DNAH7: variants seen among roughly 807,000 people sequenced by gnomAD.
DNAH7 encodes dynein axonemal heavy chain 7.
In DNAH7, 397 loss-of-function variants were observed where a neutral mutation model predicts 444.6. That is an observed-to-expected ratio of 0.89 (90% CI 0.82 to 0.97). The LOEUF (loss-of-function observed/expected upper bound fraction) is 0.97. Among genes scored for constraint, DNAH7 ranks in the 50% least tolerant of loss-of-function variants. DNAH7 has a pLI of 0.00. For synonymous variants in DNAH7, 1,636 were observed against 1,624.4 expected, an observed-to-expected ratio of 1.01 and a Z score of -0.17; for missense variants, 4,902 against 4,800.8, an observed-to-expected ratio of 1.02 and a Z score of -0.62.
intron 33 of DNAH7, 64 bp downstream of exon 33, chr2:195,888,194 G>T: frequency 1.5e-6 from 2 of 1,306,624 alleles, no homozygotes; most frequent in Non-Finnish European, 2.1e-6. Flanking sequence ...CATTAAAATT[G>T]ATATGTAAGT....
At chr2:195,978,430 A>G (rs1692344382) in intron 15 of DNAH7, among the ~76,000 whole-genome samples, 1 of 152,202 alleles carries the variant, frequency 6.6e-6, no homozygotes, top group African/African-American at 2.4e-5. Flanking sequence ...GCAGGAAGCT[A>G]AAACATACCA....
At chr2:195,860,822 G>A (rs139877184) in intron 42 of DNAH7, among the ~76,000 whole-genome samples, 1 of 152,068 alleles carries the variant, frequency 6.6e-6, no homozygotes, top group East Asian at 1.9e-4. Context: ...TCAATTCGTG[G>A]ATCAGGCTTG....
intron 19 of DNAH7, among the ~76,000 whole-genome samples, chr2:195,949,666 T>G (rs1690082519): frequency 6.6e-6 from 1 of 152,198 alleles, no homozygotes; most frequent in African/African-American, 2.4e-5. Flanking sequence ...AGAGAGGGCA[T>G]CTTTGTCTTG....
At chr2:195,779,592 TTAAAG>T (rs537869250) in intron 58 of DNAH7, among the ~76,000 whole-genome samples, 143 of 152,242 alleles carry the variant, frequency 9.4e-4, no homozygotes, top group African/African-American at 3.2e-3. Context: ...ACTTTTCCTA[TTAAAG>T]TATTGTAGGG....
Position 195,975,846 on chromosome 2 carries a change from C to T in DNAH7, c.1834-3380G>A, listed in dbSNP as rs2101528. Among the ~76,000 whole-genome samples, 2,927 of 152,210 alleles carry T rather than the reference C, an allele frequency of 0.019. 235 individuals carry two copies. The East Asian group carries it at 0.26, about 14-fold the overall frequency. ...ACCCACTGGCTTGAAGGGAGGGATG[C>T]AGTCCTGGCACAATTCATCACCTGC... On this transcript the variant is annotated intron_variant, in intron 15 of 64. Transcript: ENST00000312428.
intron 21 of DNAH7, among the ~76,000 whole-genome samples, chr2:195,927,009 T>C (rs911212637): frequency 3.9e-5 from 6 of 152,138 alleles, no homozygotes; most frequent in African/African-American, 1.4e-4. Context: ...CATGCACACT[T>C]GGGCATCACA....
chr2:196,054,597 C>A (rs2125874017), intron 2 of DNAH7, among the ~76,000 whole-genome samples: 1 of 152,268 alleles, frequency 6.6e-6, no homozygotes, highest in South Asian at 2.1e-4. Context: ...CCTCACCCCA[C>A]CCCACCTCCA....
At chr2:195,902,737 G>T (rs1004475862) in intron 27 of DNAH7, 1 of 152,100 alleles carries the variant, frequency 6.6e-6, no homozygotes, top group Non-Finnish European at 1.5e-5. Context: ...GTGTCAAGGG[G>T]TATCATGATA....
chr2:195,790,345 C>T (rs1240412343), intron 57 of DNAH7, among the ~76,000 whole-genome samples: 2 of 151,506 alleles, frequency 1.3e-5, no homozygotes, highest in African/African-American at 4.9e-5. Context: ...CATAAAGAAC[C>T]AAAAACAGCT....
At chr2:195,958,374 G>C (rs1297480850) in intron 18 of DNAH7, among the ~76,000 whole-genome samples, 1 of 152,088 alleles carries the variant, frequency 6.6e-6, no homozygotes, top group Non-Finnish European at 1.5e-5. Flanking sequence ...TAAGAATATA[G>C]TATATAATAC....
chr2:196,004,962 C>CAA (rs60564090), intron 10 of DNAH7, among the ~76,000 whole-genome samples: 45 of 63,644 alleles, frequency 7.1e-4, no homozygotes, highest in South Asian at 2.7e-3. Context: ...GGCCTTGTGT[C>CAA]AAAAAAAAAA....
intron 58 of DNAH7, among the ~76,000 whole-genome samples, chr2:195,781,529 C>T (rs986787434): frequency 6.6e-6 from 1 of 152,032 alleles, no homozygotes; most frequent in African/African-American, 2.4e-5. Context: ...TGGCAGTTTG[C>T]TGCTTGGATT....
At chr2:195,908,028 C>T (rs1687139833) in intron 25 of DNAH7, among the ~76,000 whole-genome samples, 1 of 151,734 alleles carries the variant, frequency 6.6e-6, no homozygotes, top group South Asian at 2.1e-4. Context: ...AATGCCTACA[C>T]AAAGAAGCTA....
intron 28 of DNAH7, among the ~76,000 whole-genome samples, chr2:195,898,478 C>G (rs1012977353): frequency 6.6e-6 from 1 of 152,160 alleles, no homozygotes; most frequent in African/African-American, 2.4e-5. Flanking sequence ...TAAACATGAA[C>G]TTAGTTTTCA....
chr2:195,851,341 C>G (rs1351986981), intron 46 of DNAH7, among the ~76,000 whole-genome samples: 1 of 152,172 alleles, frequency 6.6e-6, no homozygotes, highest in Non-Finnish European at 1.5e-5. Flanking sequence ...TCAGGTTGAT[C>G]TAGCGAAGCA....
At chr2:196,039,285 TA>T (rs1423357973) in intron 5 of DNAH7, among the ~76,000 whole-genome samples, 1 of 152,070 alleles carries the variant, frequency 6.6e-6, no homozygotes, top group South Asian at 2.1e-4. Context: ...AAGATGGAAA[TA>T]AAAAATTTCT....
chr2:195,973,371 G>GTGATAACCTAAACA (rs1691975571), intron 15 of DNAH7, among the ~76,000 whole-genome samples: 1 of 152,144 alleles, frequency 6.6e-6, no homozygotes, highest in Non-Finnish European at 1.5e-5. Context: ...GCGTGGGAAT[G>GTGATAACCTAAACA]TGATAACCTA....
intron 19 of DNAH7, among the ~76,000 whole-genome samples, chr2:195,941,415 A>G (rs1306739552): frequency 6.6e-6 from 1 of 150,582 alleles, no homozygotes; most frequent in African/African-American, 2.5e-5. Context: ...ACAAACACCT[A>G]ATGCATGCAG....
intron 30 of DNAH7, chr2:195,892,714 T>C (rs916353153): frequency 1.3e-5 from 2 of 152,154 alleles, no homozygotes; most frequent in Non-Finnish European, 2.9e-5. Flanking sequence ...TGCATAATTA[T>C]ATGGGTTTTG....
Sources: allele counts gnomAD v4.1 joint callset (sites outside exome capture counted in the v4.1 genomes callset), GRCh38; gene constraint gnomAD v4.1.1; transcripts MANE v1.5; gene names NCBI Gene and HGNC (gene_info 2026-07-23, HGNC 2026-07-21).